The following BACH1 variants were observed in gnomAD, a reference collection of about 807,000 sequenced individuals.
BACH1 encodes transcription regulator protein BACH1.
A neutral mutation model predicts 52.9 loss-of-function variants in BACH1; 35 were observed. That is an observed-to-expected ratio of 0.66 (90% CI 0.51 to 0.88). The LOEUF is 0.88. Among genes scored for constraint, BACH1 ranks in the 40% least tolerant of loss-of-function variants. The pLI is 0.00. For missense variants in BACH1, 808 were observed against 872.6 expected (o/e 0.93, Z 0.93); for synonymous variants, 321 against 319.6 (o/e 1.00, Z -0.05).
intron 4 of BACH1, among the ~76,000 whole-genome samples, chr21:29,331,501 T>C (rs2088982242): frequency 6.6e-6 from 1 of 152,198 alleles, no homozygotes; most frequent in East Asian, 1.9e-4. Flanking sequence ...AAGGGTTTTA[T>C]TTTTTTGATA....
At chr21:29,325,438 T>A (rs2088899043) in intron 2 of BACH1, among the ~76,000 whole-genome samples, 1 of 152,224 alleles carries the variant, frequency 6.6e-6, no homozygotes, top group Non-Finnish European at 1.5e-5. Context: ...CATGAATTTT[T>A]GCTGAAACAG....
intron 2 of BACH1, among the ~76,000 whole-genome samples, chr21:29,353,579 G>A (rs2089216046): frequency 6.6e-6 from 1 of 152,150 alleles, no homozygotes; most frequent in South Asian, 2.1e-4. Context: ...ATTCTTAGCT[G>A]ACCACCCACC....
In BACH1 at chr21:29,341,111, A is replaced by G. The variant is rs116856604; in HGVS notation, c.1777-1288A>G. Among the ~76,000 whole-genome samples, 491 of 152,358 alleles carry G rather than the reference A, an allele frequency of 3.2e-3. 2 individuals carry two copies. The East Asian group carries it at 0.049, about 15-fold the overall frequency. On this transcript the variant is annotated intron_variant, in intron 4 of 4. Transcript: ENST00000286800. Reference sequence around the variant, plus strand: ...GCTTTAAAATATTTTAGAAATAACAATAATTGGATTCATACATAATTTTAT... The same window carrying G: ...GCTTTAAAATATTTTAGAAATAACAGTAATTGGATTCATACATAATTTTAT...
chr21:29,320,970 C>T (rs1470687923), intron 1 of BACH1, among the ~76,000 whole-genome samples: 2 of 152,172 alleles, frequency 1.3e-5, no homozygotes, highest in Non-Finnish European at 2.9e-5. Context: ...GTCTCACTTT[C>T]AGAGAGCCAT....
At chr21:29,333,489 T>C (rs1221103764) in intron 4 of BACH1, among the ~76,000 whole-genome samples, 1 of 152,238 alleles carries the variant, frequency 6.6e-6, no homozygotes, top group Non-Finnish European at 1.5e-5. Context: ...AAATTGCTTG[T>C]TTAATAATTA....
chr21:29,325,919 G>A (rs1453189229), intron 2 of BACH1, 140 bp from the exon 3 acceptor site: 4 of 936,612 alleles, frequency 4.3e-6, no homozygotes, highest in South Asian at 2.5e-5. Flanking sequence ...AGAAGAATAT[G>A]TTTTCTTCAA....
intron 4 of BACH1, among the ~76,000 whole-genome samples, chr21:29,340,188 T>C (rs556463797): frequency 1.5e-3 from 222 of 152,368 alleles, no homozygotes; most frequent in African/African-American, 5.1e-3. Flanking sequence ...CTTGAATTAC[T>C]TGTATTTTAC....
chr21:29,353,866 C>T lies in BACH1; in HGVS notation c.472+24173C>T, dbSNP rs1294663906. On this transcript the variant is annotated intron_variant, in intron 2 of 4. Transcript: ENST00000422809. ...CATTTGGGAAGAAGAAGAATTGGCA[C>T]TGGTGGGGGTAAAAGTTATAGGACT... Among the ~76,000 whole-genome samples the T allele has an allele frequency of 2.0e-5, 3 of 152,176 alleles. No homozygotes were observed. In the South Asian group the frequency reaches 6.2e-4, roughly 32 times the overall value.
chr21:29,334,288 C>A (rs536608084), intron 4 of BACH1, among the ~76,000 whole-genome samples: 3 of 151,440 alleles, frequency 2.0e-5, no homozygotes, highest in Non-Finnish European at 4.4e-5. Flanking sequence ...TTAGTAGAGA[C>A]GGGGTTTCAC....
chr21:29,327,108 C>G lies in BACH1; in HGVS notation c.1284C>G (p.Ile428Met). 2 of 1,614,224 alleles carry G rather than the reference C, an allele frequency of 1.2e-6. No homozygotes were observed. Among genetic ancestry groups the G allele is most frequent in the Non-Finnish European group, 1.7e-6 (2 of 1,180,038 alleles). Residue 428 changes from isoleucine (I) to methionine (M), a missense_variant, in exon 3 of 5, where the codon ATC (isoleucine) becomes ATG (methionine). Coordinates refer to ENST00000286800, the MANE Select transcript of BACH1 (RefSeq NM_001186.4). Reference sequence around the variant, plus strand: ...TGGCCAAAGATGGCTCAGAACAGATCTCACAGAAACGGTCTGAGTGTCCGT... The same window carrying G: ...TGGCCAAAGATGGCTCAGAACAGATGTCACAGAAACGGTCTGAGTGTCCGT... ...PAVAKDGSEQISQKRSECPWL... is the reference protein window; with the variant it reads ...PAVAKDGSEQMSQKRSECPWL...
At chr21:29,331,532 T>A (rs2088982524) in intron 4 of BACH1, among the ~76,000 whole-genome samples, 1 of 152,230 alleles carries the variant, frequency 6.6e-6, no homozygotes, top group African/African-American at 2.4e-5. Context: ...ATTGGTTTGC[T>A]AGATTATTGA....
At chr21:29,311,251 A>T (rs943308542) in intron 1 of BACH1, among the ~76,000 whole-genome samples, 2 of 152,132 alleles carry the variant, frequency 1.3e-5, no homozygotes, top group African/African-American at 4.8e-5. Flanking sequence ...TTAGTTCAGA[A>T]TATTCTCTAT....
intron 2 of BACH1, among the ~76,000 whole-genome samples, chr21:29,354,540 A>G (rs1466556566): frequency 1.3e-5 from 2 of 152,212 alleles, no homozygotes; most frequent in African/African-American, 4.8e-5. Context: ...TTCATGAAAC[A>G]TGGCAGAGAT....
chr21:29,308,333 G>T (rs546105364), intron 1 of BACH1, among the ~76,000 whole-genome samples: 1 of 152,186 alleles, frequency 6.6e-6, no homozygotes, highest in East Asian at 1.9e-4. Context: ...TGGCTGTTAG[G>T]GATTAGTGGA....
At chr21:29,356,289 C>T (rs1569028026) in intron 2 of BACH1, among the ~76,000 whole-genome samples, 1 of 152,144 alleles carries the variant, frequency 6.6e-6, no homozygotes, top group Non-Finnish European at 1.5e-5. Context: ...TTTTAGCAAA[C>T]TTTTGTTGAA....
At chr21:29,360,499 A>G (rs1413232916) in intron 2 of BACH1, among the ~76,000 whole-genome samples, 2 of 152,026 alleles carry the variant, frequency 1.3e-5, no homozygotes, top group Non-Finnish European at 2.9e-5. Flanking sequence ...TGGGAATGTC[A>G]TGTTTGCCCC....
chr21:29,360,801 C>A (rs1377904891), intron 2 of BACH1, among the ~76,000 whole-genome samples: 1 of 149,738 alleles, frequency 6.7e-6, no homozygotes, highest in Non-Finnish European at 1.5e-5. Flanking sequence ...GCTGAGATGG[C>A]ACCACTGCAC....
At chr21:29,355,062 G>A (rs983547963) in intron 2 of BACH1, among the ~76,000 whole-genome samples, 4 of 152,212 alleles carry the variant, frequency 2.6e-5, no homozygotes, top group African/African-American at 9.6e-5. Context: ...GAAGGGGACC[G>A]GAGCGGGTTG....
intron 2 of BACH1, among the ~76,000 whole-genome samples, chr21:29,324,386 C>G (rs2088884982): frequency 6.6e-6 from 1 of 152,108 alleles, no homozygotes; most frequent in Non-Finnish European, 1.5e-5. Context: ...ACTAATCTTT[C>G]TTCCTTTTCT....
Sources: allele counts gnomAD v4.1 joint callset (sites outside exome capture counted in the v4.1 genomes callset), GRCh38; gene constraint gnomAD v4.1.1; transcripts MANE v1.5; gene names NCBI Gene and HGNC (gene_info 2026-07-23, HGNC 2026-07-21).